Variants in WNT7A observed in about 807,000 individuals in gnomAD.
WNT7A encodes protein Wnt-7a.
A neutral mutation model predicts 28.2 loss-of-function variants in WNT7A; 16 were observed. The ratio of observed to expected loss-of-function variants is 0.57; its 90% CI spans 0.38 to 0.86. The LOEUF (loss-of-function observed/expected upper bound fraction) is 0.86. Ranked by LOEUF, WNT7A falls within the 40% of genes least tolerant of loss-of-function variation. WNT7A has a pLI of 0.00. For synonymous variants in WNT7A, 190 were observed against 195.9 expected, an observed-to-expected ratio of 0.97 and a Z score of 0.25; for missense variants, 411 against 489.7, an observed-to-expected ratio of 0.84 and a Z score of 1.52.
chr3:13,857,979 T>C (rs1215456824), intron 2 of WNT7A, among the ~76,000 whole-genome samples: 1 of 152,180 alleles, frequency 6.6e-6, no homozygotes, highest in African/African-American at 2.4e-5. Context: ...AATTCTTATC[T>C]ATGATGGAGG....
intron 3 of WNT7A, among the ~76,000 whole-genome samples, chr3:13,843,055 T>C (rs1023772178): frequency 1.3e-5 from 2 of 152,296 alleles, no homozygotes; most frequent in East Asian, 3.9e-4. Context: ...CATGGCTTGG[T>C]GTCCTGTGGC....
intron 2 of WNT7A, among the ~76,000 whole-genome samples, chr3:13,857,389 G>A (rs1196601007): frequency 6.6e-6 from 1 of 152,166 alleles, no homozygotes; most frequent in Non-Finnish European, 1.5e-5. Flanking sequence ...AGATCCTCGG[G>A]CAAAGAAACG....
Position 13,817,593 on chromosome 3 carries a change from T to C in WNT7A, c.*1351A>G, listed in dbSNP as rs1247269660. On this transcript the variant is annotated 3_prime_UTR_variant, in exon 4 of 4. Transcript: ENST00000285018. ...TGGCCTCACTTGAACCTCTCTCTGC[T>C]GCTTGGCCTTGGGAGCAGGATATCC... 1 of 152,352 alleles carries C rather than the reference T, an allele frequency of 6.6e-6. No individual in the cohort carries two copies. The highest frequency in any genetic ancestry group is 2.4e-5 in the African/African-American group (1 of 41,466). The allele number at this position is 152,352 out of a possible 1,614,324, so 9.4% of individuals were successfully genotyped here. A position where few individuals can be genotyped will look rare whatever the true frequency, so the allele number is the denominator to read the frequency against.
intron 3 of WNT7A, among the ~76,000 whole-genome samples, chr3:13,852,966 T>G (rs1694664095): frequency 6.6e-6 from 1 of 152,168 alleles, no homozygotes; most frequent in African/African-American, 2.4e-5. Context: ...GGCCCTCTAC[T>G]GAGCTTTCCT....
chr3:13,866,761 A>T (rs1694916949), intron 2 of WNT7A, among the ~76,000 whole-genome samples: 1 of 152,034 alleles, frequency 6.6e-6, no homozygotes, highest in Non-Finnish European at 1.5e-5. Flanking sequence ...ACAACAGGAA[A>T]CCGCGGGAGG....
intron 1 of WNT7A, among the ~76,000 whole-genome samples, chr3:13,876,129 T>A (rs184170429): frequency 3.3e-5 from 5 of 152,026 alleles, no homozygotes; most frequent in African/African-American, 9.7e-5. Context: ...CCTTGAGGAG[T>A]TGACATTAGA....
intron 1 of WNT7A, 151 bp downstream of exon 1, chr3:13,879,595 T>C: frequency 1.2e-6 from 1 of 806,178 alleles, no homozygotes. Context: ...GGGGGGCCTT[T>C]GTGCGTCCAC....
At chr3:13,855,333 G>A (rs577227277) in intron 2 of WNT7A, among the ~76,000 whole-genome samples, 1 of 151,224 alleles carries the variant, frequency 6.6e-6, no homozygotes, top group African/African-American at 2.4e-5. Context: ...TGTAAAATGG[G>A]GACATATCAT....
intron 3 of WNT7A, among the ~76,000 whole-genome samples, chr3:13,826,173 C>T (rs1694191290): frequency 6.6e-6 from 1 of 152,192 alleles, no homozygotes; most frequent in African/African-American, 2.4e-5. Context: ...AGGTGCTGCT[C>T]CGGTTTTCTC....
intron 3 of WNT7A, among the ~76,000 whole-genome samples, chr3:13,831,822 A>C (rs546103522): frequency 6.6e-6 from 1 of 152,002 alleles, no homozygotes; most frequent in Admixed American, 6.6e-5. Flanking sequence ...TCACTGGCCA[A>C]CTTCTCTCGA....
At chr3:13,831,076 C>T (rs1035869806) in intron 3 of WNT7A, among the ~76,000 whole-genome samples, 12 of 152,162 alleles carry the variant, frequency 7.9e-5, no homozygotes, top group Non-Finnish European at 7.4e-5. Context: ...CAAGGCTCTG[C>T]AGGAAATGTT....
chr3:13,845,361 G>A (rs112173047), intron 3 of WNT7A, among the ~76,000 whole-genome samples: 9 of 152,332 alleles, frequency 5.9e-5, no homozygotes, highest in African/African-American at 2.2e-4. Context: ...AGGAAGCCAC[G>A]AGCCACAGGT....
intron 3 of WNT7A, among the ~76,000 whole-genome samples, chr3:13,826,017 G>T (rs139900896): frequency 6.6e-6 from 1 of 152,224 alleles, no homozygotes; most frequent in African/African-American, 2.4e-5. Context: ...AAGCGGTGCT[G>T]CCCGGTGTTT....
chr3:13,827,143 G>C (rs1279390332), intron 3 of WNT7A, among the ~76,000 whole-genome samples: 1 of 152,178 alleles, frequency 6.6e-6, no homozygotes, highest in African/African-American at 2.4e-5. Flanking sequence ...CCCAGTTGTT[G>C]GCAGGAGTCA....
At chr3:13,841,036 A>G (rs1030469129) in intron 3 of WNT7A, among the ~76,000 whole-genome samples, 82 of 152,310 alleles carry the variant, frequency 5.4e-4, no homozygotes, top group African/African-American at 1.9e-3. Context: ...ATGGTATATT[A>G]TTTATCTCAG....
chr3:13,878,824 C>T (rs1292867359), intron 1 of WNT7A, among the ~76,000 whole-genome samples: 1 of 152,158 alleles, frequency 6.6e-6, no homozygotes, highest in African/African-American at 2.4e-5. Flanking sequence ...TCCCCCCGCC[C>T]CCACACCGCT....
chr3:13,844,962 T>A (rs186675956), intron 3 of WNT7A, among the ~76,000 whole-genome samples: 16 of 152,138 alleles, frequency 1.1e-4, no homozygotes, highest in African/African-American at 3.9e-4. Context: ...CCAATCCCCC[T>A]CCCGAGGACA....
intron 3 of WNT7A, 78 bp downstream of exon 3, chr3:13,854,454 C>T (rs1274107397): frequency 6.2e-7 from 1 of 1,606,950 alleles, no homozygotes; most frequent in Non-Finnish European, 8.5e-7. Flanking sequence ...CAACAGACAC[C>T]CAGCACCAGA....
intron 3 of WNT7A, among the ~76,000 whole-genome samples, chr3:13,830,560 C>T (rs1205893147): frequency 6.6e-6 from 1 of 152,076 alleles, no homozygotes; most frequent in African/African-American, 2.4e-5. Flanking sequence ...CCCTCCTTGC[C>T]CTCCAGCTTC....
Sources: gnomAD v4.1 joint callset for allele counts (sites outside exome capture counted in the v4.1 genomes callset) on GRCh38, gnomAD v4.1.1 for gene constraint, MANE v1.5 for transcripts, NCBI Gene and HGNC (gene_info 2026-07-23, HGNC 2026-07-21) for gene names.